The following PVT1 variants were observed in gnomAD, a reference collection of about 807,000 sequenced individuals.
The protein encoded by PVT1 is Pvt1 oncogene.
chr8:127,912,235 A>G (rs1815907395), intron 3 of PVT1, among the ~76,000 whole-genome samples: 1 of 152,220 alleles, frequency 6.6e-6, no homozygotes, highest in Non-Finnish European at 1.5e-5. Context: ...ATTGTGTTGA[A>G]TGTTATAGAA....
At chr8:127,868,784 T>TATATACGTATATATATGTATATAC (rs1815316174) in intron 2 of PVT1, among the ~76,000 whole-genome samples, 1 of 84,192 alleles carries the variant, frequency 1.2e-5, no homozygotes, top group African/African-American at 8.0e-5. Context: ...TATATATATA[T>TATATACGTATATATATGTATATAC]ATATATATAC....
intron 4 of PVT1, among the ~76,000 whole-genome samples, chr8:128,008,248 A>G (rs1255601308): frequency 6.6e-6 from 1 of 152,076 alleles, no homozygotes; most frequent in African/African-American, 2.4e-5. Flanking sequence ...GTTTACGTGG[A>G]TTTATTTTTG....
intron 4 of PVT1, among the ~76,000 whole-genome samples, chr8:128,026,382 T>G (rs1817493278): frequency 6.6e-6 from 1 of 152,164 alleles, no homozygotes; most frequent in South Asian, 2.1e-4. Context: ...AAATTCATGT[T>G]TCTCTGCTCT....
At chr8:127,818,134 GA>G (rs1814687985) in intron 2 of PVT1, among the ~76,000 whole-genome samples, 1 of 152,134 alleles carries the variant, frequency 6.6e-6, no homozygotes, top group Non-Finnish European at 1.5e-5. Flanking sequence ...TCCTCAAGGT[GA>G]TCTTGACTTG....
chr8:127,961,994 A>T (rs1236841389), intron 3 of PVT1, among the ~76,000 whole-genome samples: 1 of 151,970 alleles, frequency 6.6e-6, no homozygotes, highest in Non-Finnish European at 1.5e-5. Flanking sequence ...TTTTTTTTTG[A>T]GACGGAGTCT....
chr8:127,892,397 C>A (rs1249164557), intron 3 of PVT1, among the ~76,000 whole-genome samples: 3 of 152,162 alleles, frequency 2.0e-5, no homozygotes, highest in Non-Finnish European at 4.4e-5. Flanking sequence ...TCACAGTTGC[C>A]TTGATCAAAT....
intron 2 of PVT1, among the ~76,000 whole-genome samples, chr8:127,859,118 T>TAC (rs1300279858): frequency 1.3e-5 from 2 of 152,058 alleles, no homozygotes; most frequent in African/African-American, 4.8e-5. Context: ...TGAAGGCTCG[T>TAC]TTGTAATGGC....
At chr8:128,034,052 A>G (rs1018819380) in intron 4 of PVT1, among the ~76,000 whole-genome samples, 1 of 147,786 alleles carries the variant, frequency 6.8e-6, no homozygotes, top group Non-Finnish European at 1.5e-5. Flanking sequence ...TACCATCTGC[A>G]CTTCTGCACC....
intron 2 of PVT1, among the ~76,000 whole-genome samples, chr8:127,876,258 G>T (rs1815404465): frequency 6.1e-5 from 1 of 16,452 alleles, no homozygotes; most frequent in Non-Finnish European, 1.0e-4. Context: ...ACAGCAGTGT[G>T]TGTGTGTGTG....
In PVT1 at chr8:128,036,002, A is replaced by C. The variant is rs114403971; in HGVS notation, n.913-34158A>C. 6.7e-3 allele frequency among the ~76,000 whole-genome samples: 1,014 copies of C among 152,300 alleles called. 10 individuals are homozygous for C. The highest frequency in any genetic ancestry group is 0.023 in the African/African-American group (966 of 41,542). ...TAAATTTGTGTTGTTATTAGCTGCC[A>C]AGTTTGCGATGATTTGTTACAGCAG... is the stretch of plus-strand genomic sequence containing the variant. On this transcript the variant is annotated intron_variant and non_coding_transcript_variant, in intron 4 of 10. Transcript: ENST00000651587.
intron 2 of PVT1, among the ~76,000 whole-genome samples, chr8:127,841,184 A>G (rs925722145): frequency 2.0e-5 from 3 of 152,256 alleles, no homozygotes; most frequent in African/African-American, 7.2e-5. Flanking sequence ...TGTTCAGCAG[A>G]TTCCCTTTCA....
At chr8:127,832,644 G>A (rs1814863587) in intron 2 of PVT1, among the ~76,000 whole-genome samples, 1 of 152,174 alleles carries the variant, frequency 6.6e-6, no homozygotes, top group Non-Finnish European at 1.5e-5. Context: ...GGATCACGAG[G>A]TCAGGAGATA....
intron 3 of PVT1, among the ~76,000 whole-genome samples, chr8:127,930,054 G>A (rs1432688423): frequency 6.6e-6 from 1 of 152,220 alleles, no homozygotes; most frequent in Non-Finnish European, 1.5e-5. Flanking sequence ...CCTCTCACAT[G>A]CTGTAGGGGA....
chr8:128,032,361 G>A (rs571624789), intron 4 of PVT1, among the ~76,000 whole-genome samples: 6 of 152,260 alleles, frequency 3.9e-5, no homozygotes, highest in Middle Eastern at 3.4e-3. Flanking sequence ...CATGAACTTC[G>A]TTGTTCCCTC....
chr8:127,820,303 A>G (rs994190810), intron 2 of PVT1, among the ~76,000 whole-genome samples: 1 of 152,192 alleles, frequency 6.6e-6, no homozygotes, highest in African/African-American at 2.4e-5. Context: ...ATAGCTGCAA[A>G]GTTGCACACC....
chr8:127,889,332 G>A (rs956456968), intron 2 of PVT1, among the ~76,000 whole-genome samples: 1 of 151,828 alleles, frequency 6.6e-6, no homozygotes, highest in Admixed American at 6.6e-5. Context: ...GTTTCACCAT[G>A]TTGGCCAGGC....
At chr8:128,099,246 C>T (rs550430152) in intron 6 of PVT1, 296 of 152,384 alleles carry the variant, frequency 1.9e-3, no homozygotes, top group African/African-American at 6.5e-3. Context: ...CTGGGTCTTC[C>T]GAGGAAGGAT....
chr8:128,031,829 T>A (rs1364198691), intron 4 of PVT1, among the ~76,000 whole-genome samples: 1 of 152,210 alleles, frequency 6.6e-6, no homozygotes, highest in African/African-American at 2.4e-5. Flanking sequence ...TTTCTTAAGA[T>A]CTCACAGCAC....
intron 3 of PVT1, among the ~76,000 whole-genome samples, chr8:127,924,989 T>G (rs192176154): frequency 6.6e-6 from 1 of 152,284 alleles, no homozygotes; most frequent in Admixed American, 6.5e-5. Flanking sequence ...TGTGCAACCA[T>G]CACCACAATC....
Sources: gnomAD v4.1 joint callset for allele counts (sites outside exome capture counted in the v4.1 genomes callset) on GRCh38, gnomAD v4.1.1 for gene constraint, MANE v1.5 for transcripts, NCBI Gene and HGNC (gene_info 2026-07-23, HGNC 2026-07-21) for gene names.